RIPOR3: variants seen among roughly 807,000 people sequenced by gnomAD.
RIPOR3 encodes the protein RIPOR family member 3, also known as family with sequence similarity 65 member C.
In RIPOR3, 95 loss-of-function variants were observed where a neutral mutation model predicts 114.3. The observed-to-expected ratio is 0.83, with a 90% CI of 0.70 to 0.99. The LOEUF (loss-of-function observed/expected upper bound fraction) is 0.99, where lower values mean the gene tolerates loss of function less well. RIPOR3 is among the 50% of genes least tolerant of loss of function. RIPOR3 has a pLI of 0.00. For missense variants in RIPOR3, 1,252 were observed against 1,266.9 expected, an observed-to-expected ratio of 0.99 and a Z score of 0.18; for synonymous variants, 575 against 543.8, an observed-to-expected ratio of 1.06 and a Z score of -0.80.
At chr20:50,650,942 CAG>C (rs922191361) in intron 1 of RIPOR3, among the ~76,000 whole-genome samples, 1 of 152,006 alleles carries the variant, frequency 6.6e-6, no homozygotes, top group African/African-American at 2.4e-5. Flanking sequence ...CTGACCTAAT[CAG>C]AGAGCCCTCA....
At chr20:50,688,041 C>T (rs566239166) in intron 1 of RIPOR3, among the ~76,000 whole-genome samples, 3 of 148,462 alleles carry the variant, frequency 2.0e-5, no homozygotes, top group East Asian at 2.1e-4. Context: ...TTGATTTTTG[C>T]CCCCAGCAAA....
At chr20:50,605,722 G>T (rs2083684655) in intron 11 of RIPOR3, among the ~76,000 whole-genome samples, 1 of 151,672 alleles carries the variant, frequency 6.6e-6, no homozygotes, top group Non-Finnish European at 1.5e-5. Context: ...AGGCTGCAGT[G>T]AGCCGAGATC....
chr20:50,615,787 T>C (rs553719750), intron 4 of RIPOR3, among the ~76,000 whole-genome samples: 353 of 152,062 alleles, frequency 2.3e-3, no homozygotes, highest in African/African-American at 8.0e-3. Flanking sequence ...GCATTACTTC[T>C]AGAACCGAGA....
intron 1 of RIPOR3, among the ~76,000 whole-genome samples, chr20:50,634,207 C>T (rs2084912620): frequency 6.6e-6 from 1 of 152,064 alleles, no homozygotes; most frequent in African/African-American, 2.4e-5. Context: ...TTCTCGAACT[C>T]CTGAGCTCAA....
intron 1 of RIPOR3, among the ~76,000 whole-genome samples, chr20:50,640,600 C>A (rs1462609618): frequency 1.3e-5 from 2 of 148,270 alleles, no homozygotes; most frequent in Non-Finnish European, 3.0e-5. Flanking sequence ...CTGCCCCCAA[C>A]CCTCTGTCAT....
At chr20:50,677,494 C>G (rs2086713049) in intron 1 of RIPOR3, among the ~76,000 whole-genome samples, 1 of 150,860 alleles carries the variant, frequency 6.6e-6, no homozygotes, top group Non-Finnish European at 1.5e-5. Context: ...GCCTCAGCCT[C>G]CTGAGTAGCT....
In RIPOR3 at chr20:50,691,221, T is replaced by A; in HGVS notation, c.-93A>T. On this transcript the variant is annotated 5_prime_UTR_variant, in exon 1 of 22. Transcript: ENST00000327979. ...CCGCCAGCAAGCGTCTGCTCCCATC[T>A]GGCCCGGGACTCCCGGACTCGAGCT... 2.3e-6 allele frequency: 3 copies of A among 1,286,662 alleles called. No individual in the cohort carries two copies. Among genetic ancestry groups the A allele is most frequent in the Non-Finnish European group, 3.0e-6 (3 of 986,546 alleles). 79.7% of individuals were successfully genotyped at this position (1,286,662 alleles called of 1,614,324 possible).
intron 1 of RIPOR3, among the ~76,000 whole-genome samples, chr20:50,650,966 C>CTTTTAGT (rs2085580831): frequency 6.6e-6 from 1 of 151,742 alleles, no homozygotes. Context: ...ACAGGACTGG[C>CTTTTAGT]TTTTTGTTTT....
In RIPOR3 at chr20:50,597,671, G is replaced by A. The variant is rs1283169630; in HGVS notation, c.1699C>T (p.Leu567=). The A allele has an allele frequency of 6.2e-7, 1 of 1,612,364 alleles. No homozygotes were observed. The highest frequency in any genetic ancestry group is 2.2e-5 in the East Asian group (1 of 44,796). Residue 567 remains leucine, a synonymous_variant, in exon 14 of 22, where the codon CTG becomes TTG. Coordinates refer to ENST00000327979, the MANE Select transcript of RIPOR3 (RefSeq NM_001290268.2). Reference sequence around the variant, plus strand: ...AAGCTCTCCAGGATGCACTCCATCAGGCTCTCGGCCGAGGTGTGCTCCTGC... The same window carrying A: ...AAGCTCTCCAGGATGCACTCCATCAAGCTCTCGGCCGAGGTGTGCTCCTGC... The part of the protein sequence containing the change: ...ARQEHTSAES[L]MECILESFAF...
chr20:50,605,730 A>T (rs568836089), intron 11 of RIPOR3, among the ~76,000 whole-genome samples: 1 of 152,030 alleles, frequency 6.6e-6, no homozygotes, highest in East Asian at 1.9e-4. Flanking sequence ...GTGAGCCGAG[A>T]TCATGCCACT....
At chr20:50,594,852 C>T in intron 16 of RIPOR3, 138 bp from the exon 17 acceptor site, 1 of 972,222 alleles carries the variant, frequency 1.0e-6, no homozygotes, top group Non-Finnish European at 1.5e-6. Flanking sequence ...CCCTTCCCTG[C>T]ATTCCCATGT....
rs141892583 is a variant in RIPOR3 at position 50,602,561 on chromosome 20, G to A, written c.1170C>T (p.Ser390=). 1.7e-5 allele frequency: 26 copies of A among 1,540,158 alleles called. No homozygotes were observed. Among genetic ancestry groups the A allele is most frequent in the African/African-American group, 5.5e-5 (4 of 72,188 alleles). The change falls in exon 13 of 22, where the codon AGC becomes AGT. Residue 390 remains serine, a synonymous_variant. Coordinates refer to ENST00000327979, the MANE Select transcript of RIPOR3 (RefSeq NM_001290268.2). This position sits in a 1 kb window ranked among gnomAD's most constrained non-coding sequence, Gnocchi z 4.3. ...TTCTTAGGCTGGGACCCCGGAGGTC[G>A]CTGTCAGACAGGTAGCTGAGGATGG... ...ATSILSYLSD[S]DLRGPSLRSQ...
chr20:50,672,649 C>T (rs553811337), intron 1 of RIPOR3, among the ~76,000 whole-genome samples: 3 of 152,304 alleles, frequency 2.0e-5, no homozygotes, highest in South Asian at 2.1e-4. Context: ...AACAGGGACA[C>T]AGGGGAAGGG....
At chr20:50,663,444 G>C (rs879556928) in intron 1 of RIPOR3, among the ~76,000 whole-genome samples, 1 of 152,170 alleles carries the variant, frequency 6.6e-6, no homozygotes, top group Admixed American at 6.5e-5. Flanking sequence ...CTCTCCAAGC[G>C]CCCCAGTGCA....
At chr20:50,607,456 C>T (rs1052012656) in intron 11 of RIPOR3, among the ~76,000 whole-genome samples, 1 of 152,156 alleles carries the variant, frequency 6.6e-6, no homozygotes, top group African/African-American at 2.4e-5. Flanking sequence ...ATTATTTGCA[C>T]AAAGGCCTGG....
chr20:50,633,665 C>T (rs1283476405), intron 1 of RIPOR3, among the ~76,000 whole-genome samples: 3 of 152,198 alleles, frequency 2.0e-5, no homozygotes, highest in African/African-American at 4.8e-5. Flanking sequence ...CCTTCTGGGC[C>T]GTTCCTGGAG....
chr20:50,590,452 G>A (rs2083073900), intron 19 of RIPOR3, among the ~76,000 whole-genome samples: 3 of 152,362 alleles, frequency 2.0e-5, no homozygotes, highest in South Asian at 2.1e-4. Flanking sequence ...TCAACTGCAC[G>A]GGTGGGGCGA....
intron 2 of RIPOR3, among the ~76,000 whole-genome samples, chr20:50,624,008 G>T (rs1349654013): frequency 6.6e-6 from 1 of 151,792 alleles, no homozygotes; most frequent in Non-Finnish European, 1.5e-5. Flanking sequence ...AGTAATTTTT[G>T]TTTTTTTTAG....
intron 1 of RIPOR3, among the ~76,000 whole-genome samples, chr20:50,650,003 CAG>C (rs1311713280): frequency 6.6e-6 from 1 of 152,148 alleles, no homozygotes; most frequent in African/African-American, 2.4e-5. Flanking sequence ...CTGTGTGTAA[CAG>C]AGAACCATAA....
Sources: gnomAD v4.1 joint callset for allele counts (sites outside exome capture counted in the v4.1 genomes callset) on GRCh38, gnomAD v4.1.1 for gene constraint, Gnocchi (gnomAD v3.1) non-coding constraint, MANE v1.5 for transcripts, NCBI Gene and HGNC (gene_info 2026-07-23, HGNC 2026-07-21) for gene names.